WWP1: variants seen among roughly 807,000 people sequenced by gnomAD.
The protein encoded by WWP1 is WW domain containing E3 ubiquitin protein ligase 1.
WWP1 carries 49 observed loss-of-function variants against 130.6 expected under a neutral mutation model. That is an observed-to-expected ratio of 0.38 (90% CI 0.30 to 0.48). WWP1 has a LOEUF of 0.48. Among genes scored for constraint, WWP1 ranks in the 20% least tolerant of loss-of-function variants. The probability of loss-of-function intolerance (pLI) is 0.99; values close to 1 mark genes in which losing one functional copy is unlikely to be tolerated. For missense variants in WWP1, 809 were observed against 1,100.6 expected (o/e 0.74, Z 3.75); for synonymous variants, 332 against 367.8 (o/e 0.90, Z 1.11).
intron 5 of WWP1, among the ~76,000 whole-genome samples, chr8:86,391,966 A>G (rs946773453): frequency 2.0e-4 from 30 of 152,222 alleles, no homozygotes; most frequent in Admixed American, 8.5e-4. Flanking sequence ...TAAATGCTCT[A>G]AGAAAGAGTA....
intron 5 of WWP1, among the ~76,000 whole-genome samples, chr8:86,389,781 C>T (rs1166716760): frequency 7.4e-5 from 11 of 148,698 alleles, no homozygotes; most frequent in South Asian, 6.5e-4. Context: ...GGCTGCCCGG[C>T]GGAGGCCGCC....
intron 5 of WWP1, among the ~76,000 whole-genome samples, chr8:86,396,860 A>G (rs1239006318): frequency 6.6e-6 from 1 of 152,086 alleles, no homozygotes; most frequent in Non-Finnish European, 1.5e-5. Context: ...TCACCTCCCA[A>G]AATGCTGGGA....
rs59506795 is a variant in WWP1, at chr8:86,460,790, C to CTTTTTTTTTTTT, written c.2500-408_2500-397dup. Among the ~76,000 whole-genome samples, 19 of 62,404 alleles carry CTTTTTTTTTTTT rather than the reference C, an allele frequency of 3.0e-4. 2 individuals are homozygous for CTTTTTTTTTTTT. The highest frequency in any genetic ancestry group is 8.4e-4 in the East Asian group (1 of 1,184). 40.9% of individuals were successfully genotyped at this position (62,404 alleles called of 152,430 possible). On this transcript the variant is annotated intron_variant, in intron 22 of 24. Transcript: ENST00000517970. ...ACCCTACAACCTCTTTTTAGCACATCTTTTTTTTTTTTTTTTTTTTTTTTT... is the reference window on the plus strand; with the variant it reads ...ACCCTACAACCTCTTTTTAGCACATCTTTTTTTTTTTTTTTTTTTTTTTTTTTTTTTTTTTTT...
chr8:86,460,502 T>C (rs1451345212), intron 22 of WWP1, among the ~76,000 whole-genome samples: 1 of 152,140 alleles, frequency 6.6e-6, no homozygotes, highest in African/African-American at 2.4e-5. Context: ...GAGAACTAAA[T>C]CCATGAAAAC....
chr8:86,419,333 G>A (rs771325265), intron 9 of WWP1, among the ~76,000 whole-genome samples: 6 of 152,156 alleles, frequency 3.9e-5, no homozygotes, highest in African/African-American at 1.4e-4. Context: ...CAGAAGAATC[G>A]CTTGAACCTG....
At chr8:86,446,086 A>T (rs534023091) in intron 18 of WWP1, among the ~76,000 whole-genome samples, 1 of 148,668 alleles carries the variant, frequency 6.7e-6, no homozygotes, top group South Asian at 2.1e-4. Flanking sequence ...GGTTCAAGCA[A>T]TTCTCTTGCC....
In WWP1 at chr8:86,411,546, G is replaced by A; in HGVS notation, c.733G>A (p.Glu245Lys). The change falls in exon 9 of 25, where the codon GAA becomes AAA. Residue 245 changes from glutamate (E) to lysine (K), a missense_variant. By Grantham distance (56) the Glu-to-Lys change is moderately conservative. Coordinates refer to ENST00000517970, the MANE Select transcript of WWP1 (RefSeq NM_007013.4). ...SEPADDTVNG[E>K]SSSFAPTDNA... ...TAATTTTCCCTTCTCAGTTAATGGA[G>A]AATCATCCTCATTTGCACCAACTGA... The A allele has an allele frequency of 6.2e-7, 1 of 1,610,258 alleles. No individual in the cohort carries two copies. Among genetic ancestry groups the A allele is most frequent in the Non-Finnish European group, 8.5e-7 (1 of 1,177,348 alleles).
chr8:86,399,338 G>T (rs1476497445), intron 7 of WWP1, among the ~76,000 whole-genome samples: 2 of 152,120 alleles, frequency 1.3e-5, no homozygotes, highest in South Asian at 4.1e-4. Context: ...TACCATTTCA[G>T]AAACTCCCTG....
At chr8:86,399,293 C>G (rs1324361153) in intron 7 of WWP1, among the ~76,000 whole-genome samples, 1 of 152,180 alleles carries the variant, frequency 6.6e-6, no homozygotes, top group Non-Finnish European at 1.5e-5. Flanking sequence ...GGCCTTCCTT[C>G]AGACATCATT....
intron 9 of WWP1, among the ~76,000 whole-genome samples, chr8:86,422,873 T>C (rs997235973): frequency 6.6e-6 from 1 of 152,132 alleles, no homozygotes; most frequent in African/African-American, 2.4e-5. Flanking sequence ...TTAGGATAGA[T>C]ATGCACAATG....
intron 2 of WWP1, among the ~76,000 whole-genome samples, chr8:86,373,465 T>C (rs1284581422): frequency 6.6e-6 from 1 of 152,168 alleles, no homozygotes; most frequent in Non-Finnish European, 1.5e-5. Flanking sequence ...GTTTTTACTG[T>C]ATTTTGAGGC....
chr8:86,440,980 G>A (rs1447571051), intron 17 of WWP1, among the ~76,000 whole-genome samples: 1 of 152,062 alleles, frequency 6.6e-6, no homozygotes, highest in African/African-American at 2.4e-5. Context: ...TCAACCTCTT[G>A]TGTCTCTTCA....
At position 86,391,483 on chromosome 8, in the gene WWP1, C is replaced by T. The variant is rs144227479; in HGVS notation, c.335-6859C>T. Among the ~76,000 whole-genome samples the T allele has an allele frequency of 1.8e-3, 271 of 151,708 alleles. 1 individual carries two copies. The highest frequency in any genetic ancestry group is 6.1e-3 in the African/African-American group (252 of 41,498). ...ATATCTGAGGTATGTTTCACTCAGT[C>T]AGCCTCACTATTTCTTAAACTACAT... is the stretch of plus-strand genomic sequence containing the variant. On this transcript the variant is annotated intron_variant, in intron 5 of 24. Transcript: ENST00000517970.
chr8:86,360,994 T>C (rs1207222644), intron 1 of WWP1, among the ~76,000 whole-genome samples: 1 of 152,124 alleles, frequency 6.6e-6, no homozygotes, highest in Non-Finnish European at 1.5e-5. Flanking sequence ...ATGTCAGGAA[T>C]AGATAAAGAG....
intron 9 of WWP1, among the ~76,000 whole-genome samples, chr8:86,415,690 A>AT (rs1808848840): frequency 6.6e-6 from 1 of 152,124 alleles, no homozygotes; most frequent in African/African-American, 2.4e-5. Context: ...CAATATTCTA[A>AT]TTTTTTCTAC....
At chr8:86,365,589 C>T (rs1823922596) in intron 1 of WWP1, among the ~76,000 whole-genome samples, 1 of 152,154 alleles carries the variant, frequency 6.6e-6, no homozygotes, top group Non-Finnish European at 1.5e-5. Context: ...TGTAAGTTAT[C>T]AGGAGAGGGG....
chr8:86,370,403 C>T (rs923253837), intron 2 of WWP1, among the ~76,000 whole-genome samples: 3 of 152,120 alleles, frequency 2.0e-5, no homozygotes, highest in African/African-American at 4.8e-5. Flanking sequence ...GTAAACATTT[C>T]TGTACACTAG....
intron 23 of WWP1, 48 bp downstream of exon 23, chr8:86,461,368 T>A: frequency 1.3e-6 from 2 of 1,496,192 alleles, no homozygotes; most frequent in Non-Finnish European, 1.9e-6. Flanking sequence ...TTTGTGATAA[T>A]AATGGCCTTT....
chr8:86,383,143 T>C (rs1250068099), intron 5 of WWP1, among the ~76,000 whole-genome samples: 1 of 151,464 alleles, frequency 6.6e-6, no homozygotes, highest in Non-Finnish European at 1.5e-5. Flanking sequence ...TTTCTTTTTC[T>C]TAAAGCATTG....
Sources: allele counts gnomAD v4.1 joint callset (sites outside exome capture counted in the v4.1 genomes callset), GRCh38; gene constraint gnomAD v4.1.1; transcripts MANE v1.5; gene names NCBI Gene and HGNC (gene_info 2026-07-23, HGNC 2026-07-21).